The following DPP6 variants were observed in gnomAD, a reference collection of about 807,000 sequenced individuals.
The protein encoded by DPP6 is A-type potassium channel modulatory protein DPP6.
In DPP6, 69 loss-of-function variants were observed where a neutral mutation model predicts 122.6. The observed-to-expected ratio is 0.56, with a 90% CI of 0.46 to 0.69. DPP6 has a LOEUF of 0.69. Among genes scored for constraint, DPP6 ranks in the 30% least tolerant of loss-of-function variants. The pLI is 0.00. For synonymous variants in DPP6, 418 were observed against 433.1 expected, an observed-to-expected ratio of 0.97 and a Z score of 0.43; for missense variants, 928 against 1,116.9, an observed-to-expected ratio of 0.83 and a Z score of 2.41.
intron 1 of DPP6, among the ~76,000 whole-genome samples, chr7:154,066,561 G>A (rs1482675035): frequency 6.6e-6 from 1 of 152,206 alleles, no homozygotes; most frequent in Non-Finnish European, 1.5e-5. Context: ...AGCTTAAGTG[G>A]TGGGAGGGGT....
At chr7:153,974,135 G>A (rs1013660391) in intron 1 of DPP6, among the ~76,000 whole-genome samples, 14 of 152,150 alleles carry the variant, frequency 9.2e-5, no homozygotes, top group African/African-American at 3.4e-4. Flanking sequence ...GGCTTTTTCT[G>A]TCCAAGGCAA....
At chr7:154,729,707 T>C (rs934151069) in intron 8 of DPP6, among the ~76,000 whole-genome samples, 1 of 152,194 alleles carries the variant, frequency 6.6e-6, no homozygotes, top group Non-Finnish European at 1.5e-5. Flanking sequence ...AGCATCCACA[T>C]GAGGCTGTCC....
chr7:154,181,775 A>G (rs1404012902), intron 1 of DPP6, among the ~76,000 whole-genome samples: 3 of 147,504 alleles, frequency 2.0e-5, no homozygotes, highest in African/African-American at 7.6e-5. Context: ...TTTTGAGACA[A>G]AGTCTCTGTC....
chr7:154,576,164 C>T (rs1168778597), intron 5 of DPP6, among the ~76,000 whole-genome samples: 1 of 152,080 alleles, frequency 6.6e-6, no homozygotes, highest in African/African-American at 2.4e-5. Flanking sequence ...TAATTGGTCT[C>T]TCTACTTCCC....
At chr7:154,503,522 T>C (rs1825422570) in intron 3 of DPP6, among the ~76,000 whole-genome samples, 1 of 152,224 alleles carries the variant, frequency 6.6e-6, no homozygotes, top group Non-Finnish European at 1.5e-5. Context: ...TTGGCCACCA[T>C]AAATGACATT....
At chr7:154,817,877 A>C in intron 16 of DPP6, among the ~76,000 whole-genome samples, 1 of 150,978 alleles carries the variant, frequency 6.6e-6, no homozygotes, top group African/African-American at 2.4e-5. Flanking sequence ...GATGTCATGA[A>C]TGTCCTGATT....
chr7:154,740,284 G>A (rs1278439506), intron 8 of DPP6, among the ~76,000 whole-genome samples: 1 of 150,214 alleles, frequency 6.7e-6, no homozygotes, highest in African/African-American at 2.5e-5. Flanking sequence ...TGACACCCTT[G>A]GGAACTCTAA....
In DPP6 at chr7:154,873,463, G is replaced by A. The variant is rs548959880; in HGVS notation, c.1883+770G>A. Reference sequence around the variant, plus strand: ...CCCTCGTAGCCTGGGAGAGCCGGCTGAAGCGAGGCCTATGCTGGGCTGTGT... The same window carrying A: ...CCCTCGTAGCCTGGGAGAGCCGGCTAAAGCGAGGCCTATGCTGGGCTGTGT... On this transcript the variant is annotated intron_variant, in intron 19 of 25. Coordinates refer to ENST00000377770, the MANE Select transcript of DPP6 (RefSeq NM_130797.4). Among the ~76,000 whole-genome samples, 3 of 146,360 alleles carry A rather than the reference G, an allele frequency of 2.0e-5. No homozygotes were observed. In the South Asian group the frequency reaches 6.6e-4, roughly 32 times the overall value.
the DPP6 span, among the ~76,000 whole-genome samples, chr7:153,808,911 G>A: frequency 1.3e-5 from 2 of 152,016 alleles, no homozygotes; most frequent in African/African-American, 2.4e-5. Flanking sequence ...ACACCCAGAA[G>A]TGGAATTGCT....
chr7:154,328,957 A>G (rs1219586412), intron 1 of DPP6, among the ~76,000 whole-genome samples: 1 of 152,214 alleles, frequency 6.6e-6, no homozygotes, highest in Non-Finnish European at 1.5e-5. Flanking sequence ...GTTTAGAAAC[A>G]TTGAAAAATG....
rs544246668 is a variant in DPP6, at chr7:154,243,712, G to A, written c.243+190649G>A. On this transcript the variant is annotated intron_variant, in intron 1 of 25. Transcript: ENST00000377770. ...CAGGAGGCTGAGGCAGGAGAATGAT[G>A]TGAACCCAGGAGGCCAGAGCTTGCA... 1.2e-3 allele frequency among the ~76,000 whole-genome samples: 187 copies of A among 152,026 alleles called. 1 individual carries two copies. The highest frequency in any genetic ancestry group is 4.2e-3 in the African/African-American group (176 of 41,476).
chr7:154,123,882 A>G (rs549479146), intron 1 of DPP6, among the ~76,000 whole-genome samples: 1 of 149,862 alleles, frequency 6.7e-6, no homozygotes, highest in Non-Finnish European at 1.5e-5. Context: ...TACCTGGGAC[A>G]GATGTGCCAC....
chr7:154,275,664 C>A (rs190843416), intron 1 of DPP6, among the ~76,000 whole-genome samples: 1 of 152,298 alleles, frequency 6.6e-6, no homozygotes, highest in Non-Finnish European at 1.5e-5. Context: ...CCAGGATTGT[C>A]CCCTGCAGAT....
intron 1 of DPP6, among the ~76,000 whole-genome samples, chr7:154,136,094 A>G (rs1471522478): frequency 1.3e-5 from 2 of 151,678 alleles, no homozygotes; most frequent in South Asian, 2.1e-4. Context: ...TCTGAGACCT[A>G]CCTCTCTTGT....
chr7:154,701,900 T>G (rs1840551206), intron 7 of DPP6, among the ~76,000 whole-genome samples: 1 of 152,254 alleles, frequency 6.6e-6, no homozygotes, highest in Admixed American at 6.5e-5. Context: ...CTCATCTCAT[T>G]GCACTTCACT....
At chr7:154,770,315 A>G (rs1796180219) in intron 9 of DPP6, among the ~76,000 whole-genome samples, 1 of 152,146 alleles carries the variant, frequency 6.6e-6, no homozygotes, top group Non-Finnish European at 1.5e-5. Flanking sequence ...CACCTTTTTA[A>G]AACCATCAGA....
chr7:154,158,284 C>G (rs987706256), intron 1 of DPP6, among the ~76,000 whole-genome samples: 2 of 151,290 alleles, frequency 1.3e-5, no homozygotes, highest in African/African-American at 4.9e-5. Context: ...GTTCTTTTCT[C>G]AGAGTTCATG....
At chr7:154,366,044 G>A (rs1244632192) in intron 1 of DPP6, among the ~76,000 whole-genome samples, 2 of 151,576 alleles carry the variant, frequency 1.3e-5, no homozygotes, top group African/African-American at 4.9e-5. Context: ...CTGGGCTCCT[G>A]ACAGGTTCCA....
rs572258341 is a variant in DPP6 at position 154,278,183 on chromosome 7, A to C, written c.244-168031A>C. 2.4e-3 allele frequency among the ~76,000 whole-genome samples: 370 copies of C among 152,298 alleles called. 2 individuals carry two copies. Among genetic ancestry groups the C allele is most frequent in the Middle Eastern group, 6.8e-3 (2 of 294 alleles). On this transcript the variant is annotated intron_variant, in intron 1 of 25. Transcript: ENST00000377770. ...TTTTTCACCAACAACTTACAACTCC[A>C]CAGTAAGTTGAGAGGAGTCCCGACT...
Sources: allele counts gnomAD v4.1 joint callset (sites outside exome capture counted in the v4.1 genomes callset), GRCh38; gene constraint gnomAD v4.1.1; transcripts MANE v1.5; gene names NCBI Gene and HGNC (gene_info 2026-07-23, HGNC 2026-07-21).